Variants in ZSWIM6 observed in about 807,000 individuals in gnomAD.
ZSWIM6 encodes zinc finger SWIM domain-containing protein 6.
A neutral mutation model predicts 113.2 loss-of-function variants in ZSWIM6; 9 were observed. The ratio of observed to expected loss-of-function variants is 0.08; its 90% CI spans 0.05 to 0.14. ZSWIM6 has a LOEUF of 0.14. Ranked by LOEUF, ZSWIM6 falls within the 10% of genes least tolerant of loss-of-function variation. The pLI is 1.00. For missense variants in ZSWIM6, 1,162 were observed against 1,552.2 expected, an observed-to-expected ratio of 0.75 and a Z score of 4.22; for synonymous variants, 611 against 606.5, an observed-to-expected ratio of 1.01 and a Z score of -0.11.
Position 61,332,326 on chromosome 5 carries a change from G to GGGC in ZSWIM6, c.72_74dup (p.Gly26dup), listed in dbSNP as rs565100893. 170,471 of 1,116,596 alleles carry GGGC rather than the reference G, an allele frequency of 0.15. 11,212 individuals carry two copies. Among genetic ancestry groups the GGGC allele is most frequent in the Non-Finnish European group, 0.16 (149,810 of 909,798 alleles). 69.2% of individuals were successfully genotyped at this position (1,116,596 alleles called of 1,614,324 possible). A position where few individuals can be genotyped will look rare whatever the true frequency, so the allele number is the denominator to read the frequency against. ...CCGCGAAACGGCTTTGCTGCCGGCC[G>GGGC]GGCGGCGGCGGCGGCGGCGGGGGCA... On this transcript the variant is annotated inframe_insertion, in exon 1 of 14. Transcript: ENST00000252744.
At chr5:61,391,402 C>T (rs1451355565) in intron 1 of ZSWIM6, 65 of 913,670 alleles carry the variant, frequency 7.1e-5, no homozygotes, top group Middle Eastern at 3.2e-4. Flanking sequence ...GATGACTTGG[C>T]GGTACTTCTT....
intron 1 of ZSWIM6, among the ~76,000 whole-genome samples, chr5:61,367,205 A>G (rs780702286): frequency 5.9e-5 from 9 of 152,072 alleles, no homozygotes; most frequent in Non-Finnish European, 1.2e-4. Context: ...TCTCTTCATA[A>G]CAATTCTGCA....
In ZSWIM6 at chr5:61,388,038, A is replaced by AGT. The variant is rs1225198976; in HGVS notation, c.676+55092_676+55093dup. On this transcript the variant is annotated intron_variant, in intron 1 of 13. Coordinates refer to ENST00000252744, the MANE Select transcript of ZSWIM6 (RefSeq NM_020928.2). ...TGCTCTGTTGCCCAGGCTGGAGTGCAGTGGCATGAACTCTGCTCACTGCAA... is the reference window on the plus strand; with the variant it reads ...TGCTCTGTTGCCCAGGCTGGAGTGCAGTGTGGCATGAACTCTGCTCACTGCAA... 5.6e-5 allele frequency among the ~76,000 whole-genome samples: 8 copies of AGT among 142,276 alleles called. No individual in the cohort carries two copies. In the East Asian group the frequency reaches 1.8e-3, roughly 31 times the overall value. 93.3% of individuals were successfully genotyped at this position (142,276 alleles called of 152,430 possible).
chr5:61,365,925 CT>C (rs901614535), intron 1 of ZSWIM6, among the ~76,000 whole-genome samples: 1 of 151,386 alleles, frequency 6.6e-6, no homozygotes, highest in African/African-American at 2.4e-5. Context: ...TATCAGGTGT[CT>C]TTTTTTTTAA....
At chr5:61,535,408 A>T in intron 9 of ZSWIM6, 76 bp from the exon 10 acceptor site, 1 of 1,488,092 alleles carries the variant, frequency 6.7e-7, no homozygotes, top group Non-Finnish European at 9.1e-7. Flanking sequence ...TTTATGTGAC[A>T]TTTTAACAAT....
At chr5:61,487,868 T>A (rs1748063345) in intron 2 of ZSWIM6, among the ~76,000 whole-genome samples, 1 of 152,108 alleles carries the variant, frequency 6.6e-6, no homozygotes, top group Non-Finnish European at 1.5e-5. Context: ...ATGCCTTTTA[T>A]TTATTTCTCT....
intron 1 of ZSWIM6, among the ~76,000 whole-genome samples, chr5:61,471,175 C>CTG (rs982344640): frequency 1.2e-4 from 19 of 152,308 alleles, no homozygotes; most frequent in African/African-American, 4.6e-4. Context: ...CAGGGCTTCA[C>CTG]TGTGTAGCAT....
At position 61,332,330 on chromosome 5, in the gene ZSWIM6, G is replaced by T; in HGVS notation, c.58G>T (p.Gly20Cys). ...PAKRLCCRPG[G>C]GGGGGGSSGG... ...GAAACGGCTTTGCTGCCGGCCGGGC[G>T]GCGGCGGCGGCGGCGGGGGCAGCAG... Residue 20 changes from glycine (G) to cysteine (C), a missense_variant, in exon 1 of 14, where the codon GGC (glycine) becomes TGC (cysteine). Gly to Cys is a radical substitution (Grantham distance 159). Around this residue, in one of 4 missense-constraint regions of ZSWIM6, gnomAD observed 333 missense variants for 293.4 expected, o/e 1.13. Transcript: ENST00000252744. 1.0e-6 allele frequency: 1 copy of T among 977,108 alleles called. No homozygotes were observed. 60.5% of individuals were successfully genotyped at this position (977,108 alleles called of 1,614,324 possible).
chr5:61,375,775 A>G (rs539828662), intron 1 of ZSWIM6: 320 of 1,518,722 alleles, frequency 2.1e-4, no homozygotes, highest in Non-Finnish European at 2.8e-4. Context: ...AACAGAAAAA[A>G]CAAAAAAGAA....
intron 4 of ZSWIM6, among the ~76,000 whole-genome samples, chr5:61,516,600 A>G (rs1462201143): frequency 6.7e-6 from 1 of 149,026 alleles, no homozygotes; most frequent in Non-Finnish European, 1.5e-5. Flanking sequence ...TCCCTTTTTT[A>G]TGTTATAGTT....
rs1403420420 is a variant in ZSWIM6, at chr5:61,535,528, G to A, written c.2290G>A (p.Val764Ile). The change falls in exon 10 of 14, where the codon GTT (valine) becomes ATT (isoleucine). Residue 764 changes from valine to isoleucine, a missense_variant. Transcript: ENST00000252744. ...GLGEIIHRES[V>I]PMHTFAKYLF... The stretch of plus-strand genomic sequence containing the variant: ...AGGTGAAATAATCCATCGGGAGAGC[G>A]TTCCAATGCACACATTTGCCAAGTA... 2.1e-5 allele frequency: 32 copies of A among 1,551,264 alleles called. No homozygotes were observed. Among genetic ancestry groups the A allele is most frequent in the East Asian group, 7.3e-5 (3 of 40,932 alleles).
At chr5:61,350,575 T>TA (rs1282926157) in intron 1 of ZSWIM6, among the ~76,000 whole-genome samples, 1 of 152,154 alleles carries the variant, frequency 6.6e-6, no homozygotes, top group Non-Finnish European at 1.5e-5. Flanking sequence ...AATTTAAAGA[T>TA]ATGTAAATTT....
At chr5:61,333,002 G>A in intron 1 of ZSWIM6, 54 bp downstream of exon 1, 2 of 1,009,006 alleles carry the variant, frequency 2.0e-6, no homozygotes, top group Non-Finnish European at 2.5e-6. Flanking sequence ...CCCTGGGTGG[G>A]GGGGGGGTGC....
chr5:61,501,923 T>G (rs527326427), intron 4 of ZSWIM6, among the ~76,000 whole-genome samples: 1 of 152,312 alleles, frequency 6.6e-6, no homozygotes, highest in South Asian at 2.1e-4. Flanking sequence ...TTTTCCTGTT[T>G]CCTAAGAGAT....
At chr5:61,409,707 A>G (rs1391852317) in intron 1 of ZSWIM6, among the ~76,000 whole-genome samples, 1 of 152,186 alleles carries the variant, frequency 6.6e-6, no homozygotes, top group Non-Finnish European at 1.5e-5. Context: ...TCTTAGTTGT[A>G]TGAGTCAGAG....
At chr5:61,396,806 G>GA (rs1745846278) in intron 1 of ZSWIM6, among the ~76,000 whole-genome samples, 1 of 152,052 alleles carries the variant, frequency 6.6e-6, no homozygotes, top group African/African-American at 2.4e-5. Context: ...AAAATATACA[G>GA]AAAACACAGA....
intron 1 of ZSWIM6, among the ~76,000 whole-genome samples, chr5:61,437,066 A>G (rs561751717): frequency 6.6e-6 from 1 of 152,306 alleles, no homozygotes; most frequent in East Asian, 1.9e-4. Flanking sequence ...TAGCTGGTGT[A>G]AAGTCACACT....
chr5:61,538,265 C>G (rs999405700), intron 10 of ZSWIM6, among the ~76,000 whole-genome samples: 1 of 152,166 alleles, frequency 6.6e-6, no homozygotes, highest in Non-Finnish European at 1.5e-5. Flanking sequence ...TCATAAGAAA[C>G]TAATTGTTCA....
At chr5:61,540,295 G>C (rs1006861738) in intron 12 of ZSWIM6, among the ~76,000 whole-genome samples, 1 of 152,166 alleles carries the variant, frequency 6.6e-6, no homozygotes, top group Non-Finnish European at 1.5e-5. Context: ...TTTTGAGTTC[G>C]TCATGCAGAT....
Sources: allele counts gnomAD v4.1 joint callset (sites outside exome capture counted in the v4.1 genomes callset), GRCh38; gene constraint gnomAD v4.1.1; regional missense constraint gnomAD v4.1.1; transcripts MANE v1.5; gene names NCBI Gene and HGNC (gene_info 2026-07-23, HGNC 2026-07-21).